Variants in PTBP3 observed in about 807,000 individuals in gnomAD.
The protein encoded by PTBP3 is polypyrimidine tract binding protein 3.
PTBP3 carries 20 observed loss-of-function variants against 58.7 expected under a neutral mutation model. That is an observed-to-expected ratio of 0.34 (90% CI 0.24 to 0.50). PTBP3 has a LOEUF of 0.50. Ranked by LOEUF, PTBP3 falls within the 20% of genes least tolerant of loss-of-function variation. PTBP3 has a pLI of 0.98. For synonymous variants in PTBP3, 185 were observed against 219.8 expected, an observed-to-expected ratio of 0.84 and a Z score of 1.40; for missense variants, 509 against 637.2, an observed-to-expected ratio of 0.80 and a Z score of 2.17.
At chr9:112,248,132 T>C (rs886218176) in intron 7 of PTBP3, among the ~76,000 whole-genome samples, 3 of 152,146 alleles carry the variant, frequency 2.0e-5, no homozygotes, top group African/African-American at 4.8e-5. Context: ...TAAGTAAATA[T>C]ATTTATGACC....
At chr9:112,322,540 A>G (rs1193724755) in intron 1 of PTBP3, among the ~76,000 whole-genome samples, 1 of 152,254 alleles carries the variant, frequency 6.6e-6, no homozygotes, top group Non-Finnish European at 1.5e-5. Flanking sequence ...AGAGGGGCCA[A>G]AAACAAGGAC....
chr9:112,315,637 A>G (rs1345887280), intron 1 of PTBP3, among the ~76,000 whole-genome samples: 1 of 152,222 alleles, frequency 6.6e-6, no homozygotes, highest in Admixed American at 6.5e-5. Context: ...AGAAAGAAAT[A>G]GAACATCTGA....
the PTBP3 span, among the ~76,000 whole-genome samples, chr9:112,357,453 T>G: frequency 6.6e-6 from 1 of 152,064 alleles, no homozygotes; most frequent in African/African-American, 2.4e-5. Context: ...CTGGGCTCAG[T>G]TGATCCTCTT....
chr9:112,233,398 TTA>T lies in PTBP3; in HGVS notation c.881-1162_881-1161del, dbSNP rs1053529210. Among the ~76,000 whole-genome samples, 330 of 151,656 alleles carry T rather than the reference TTA, an allele frequency of 2.2e-3. 1 individual carries two copies. The highest frequency in any genetic ancestry group is 7.6e-3 in the African/African-American group (315 of 41,430). Reference sequence around the variant, plus strand: ...CATCTTTCTTAATATTAATTAATATTTATATATAGAGTATATCTAAAAGAAAT... The same window carrying T: ...CATCTTTCTTAATATTAATTAATATTTATATAGAGTATATCTAAAAGAAAT... On this transcript the variant is annotated intron_variant, in intron 8 of 13. Transcript: ENST00000374257.
intron 1 of PTBP3, chr9:112,330,447 A>G (rs769100679): frequency 1.3e-6 from 2 of 1,527,320 alleles, no homozygotes; most frequent in South Asian, 1.2e-5. Context: ...CTACCTTTAA[A>G]CCGACTGTTA....
intron 2 of PTBP3, among the ~76,000 whole-genome samples, chr9:112,289,008 C>T (rs1000140567): frequency 1.3e-5 from 2 of 152,148 alleles, no homozygotes; most frequent in East Asian, 1.9e-4. Context: ...TTGTTTTCTA[C>T]GTAAACCCAC....
At chr9:112,244,917 C>T (rs1256935756) in intron 7 of PTBP3, among the ~76,000 whole-genome samples, 3 of 151,568 alleles carry the variant, frequency 2.0e-5, no homozygotes, top group Non-Finnish European at 4.4e-5. Flanking sequence ...TGAAGAAGAA[C>T]AAGATAAAAA....
At chr9:112,324,373 C>T (rs1415913838) in intron 1 of PTBP3, among the ~76,000 whole-genome samples, 1 of 152,132 alleles carries the variant, frequency 6.6e-6, no homozygotes, top group Non-Finnish European at 1.5e-5. Flanking sequence ...ATGTTGAGGG[C>T]CTGGTGCAGT....
chr9:112,343,316 C>G, the PTBP3 span, among the ~76,000 whole-genome samples: 1 of 151,466 alleles, frequency 6.6e-6, no homozygotes, highest in South Asian at 2.1e-4. Context: ...TCAAGTGATT[C>G]TCCTGCCTCA....
At chr9:112,357,672 A>G in the PTBP3 span, among the ~76,000 whole-genome samples, 5 of 150,160 alleles carry the variant, frequency 3.3e-5, no homozygotes, top group African/African-American at 9.8e-5. Context: ...CTTTATAGCA[A>G]TTTTTTTTTT....
chr9:112,360,929 T>A, the PTBP3 span, among the ~76,000 whole-genome samples: 1 of 152,174 alleles, frequency 6.6e-6, no homozygotes, highest in African/African-American at 2.4e-5. Context: ...TGGATTATTA[T>A]GCAAGCTCAG....
At chr9:112,272,357 G>A (rs1451411359) in intron 3 of PTBP3, among the ~76,000 whole-genome samples, 2 of 152,106 alleles carry the variant, frequency 1.3e-5, no homozygotes, top group Non-Finnish European at 2.9e-5. Flanking sequence ...GAACCACTGT[G>A]CCCAGCCTTT....
chr9:112,322,451 C>T (rs1401909777), intron 1 of PTBP3, among the ~76,000 whole-genome samples: 1 of 152,094 alleles, frequency 6.6e-6, no homozygotes, highest in Non-Finnish European at 1.5e-5. Context: ...TGCTTCTCTC[C>T]CCAACACCTT....
intron 7 of PTBP3, among the ~76,000 whole-genome samples, chr9:112,249,443 G>T (rs1266400222): frequency 2.0e-5 from 3 of 152,116 alleles, no homozygotes; most frequent in Non-Finnish European, 4.4e-5. Flanking sequence ...GAAGTAGGAA[G>T]AAAGTAAGGA....
At chr9:112,364,525 C>T in the PTBP3 span, among the ~76,000 whole-genome samples, 12 of 151,996 alleles carry the variant, frequency 7.9e-5, no homozygotes, top group Non-Finnish European at 1.3e-4. Flanking sequence ...ACCAGCTACT[C>T]GTGAGGCTGA....
intron 1 of PTBP3, among the ~76,000 whole-genome samples, chr9:112,300,580 G>A (rs144463611): frequency 0.011 from 1,655 of 151,824 alleles, 32 homozygotes; most frequent in African/African-American, 0.038. Flanking sequence ...GTGAAACCCC[G>A]TCTCTACTAA....
chr9:112,234,008 T>C (rs1162237482), intron 8 of PTBP3, among the ~76,000 whole-genome samples: 3 of 152,112 alleles, frequency 2.0e-5, no homozygotes, highest in Non-Finnish European at 4.4e-5. Flanking sequence ...TAAAGATTAC[T>C]GCCAGAAAGC....
the PTBP3 span, among the ~76,000 whole-genome samples, chr9:112,374,342 T>C: frequency 0.26 from 40,161 of 152,038 alleles, 5,951 homozygotes; most frequent in African/African-American, 0.37. Context: ...GCCATCAGAA[T>C]GTAATGTCAC....
intron 1 of PTBP3, among the ~76,000 whole-genome samples, chr9:112,320,291 A>AAAAAT (rs1411646280): frequency 5.8e-4 from 43 of 73,518 alleles, no homozygotes; most frequent in African/African-American, 1.5e-3. Flanking sequence ...AAAAAAAAAA[A>AAAAAT]ATATATATAT....
Sources: allele counts gnomAD v4.1 joint callset (sites outside exome capture counted in the v4.1 genomes callset), GRCh38; gene constraint gnomAD v4.1.1; transcripts MANE v1.5; gene names NCBI Gene and HGNC (gene_info 2026-07-23, HGNC 2026-07-21).